Variants in SRRM3 observed in about 807,000 individuals in gnomAD.
The protein encoded by SRRM3 is serine/arginine repetitive matrix protein 3.
A neutral mutation model predicts 66.2 loss-of-function variants in SRRM3; 27 were observed. That is an observed-to-expected ratio of 0.41 (90% CI 0.30 to 0.56). The LOEUF (loss-of-function observed/expected upper bound fraction) is 0.56, where lower values mean the gene tolerates loss of function less well. Ranked by LOEUF, SRRM3 falls within the 20% of genes least tolerant of loss-of-function variation. SRRM3 has a pLI of 0.32. For missense variants in SRRM3, 918 were observed against 991.9 expected, an observed-to-expected ratio of 0.93 and a Z score of 1.00; for synonymous variants, 391 against 414.9, an observed-to-expected ratio of 0.94 and a Z score of 0.70.
chr7:76,262,203 GAGAAAGC>G (rs1801891349), intron 8 of SRRM3, among the ~76,000 whole-genome samples: 1 of 152,020 alleles, frequency 6.6e-6, no homozygotes, highest in African/African-American at 2.4e-5. Context: ...GAGGGTTGCT[GAGAAAGC>G]AGAAAACAGC....
In SRRM3 at chr7:76,235,144, C is replaced by G; in HGVS notation, c.78C>G (p.Ser26Arg). ...CCGCGAACGGCTTCCCGCAGCCCAG[C>G]TCCTCCTCGGGGACCTGGCCGCGGG... is the stretch of plus-strand genomic sequence containing the variant. ...PDAANGFPQP[S>R]SSSGTWPRAE... Residue 26 changes from serine (S) to arginine (R), a missense_variant, in exon 2 of 15, where the codon AGC (serine) becomes AGG (arginine). Ser to Arg is a moderately radical substitution (Grantham distance 110). Coordinates refer to ENST00000611745, the MANE Select transcript of SRRM3 (RefSeq NM_001110199.3). 1 of 1,565,298 alleles carries G rather than the reference C, an allele frequency of 6.4e-7. No homozygotes were observed. Among genetic ancestry groups the G allele is most frequent in the South Asian group, 1.2e-5 (1 of 86,006 alleles).
At chr7:76,282,419 G>C (rs187075800) in intron 12 of SRRM3, among the ~76,000 whole-genome samples, 1 of 94,972 alleles carries the variant, frequency 1.1e-5, no homozygotes, top group East Asian at 2.8e-4. Flanking sequence ...CCATCCCGCA[G>C]AACAATCTCC....
chr7:76,266,264 T>TAA (rs1563635066), intron 10 of SRRM3, among the ~76,000 whole-genome samples: 3 of 62,128 alleles, frequency 4.8e-5, no homozygotes, highest in African/African-American at 1.5e-4. Context: ...TTTAATATAT[T>TAA]TATATTTAAT....
chr7:76,258,771 A>G (rs1356880692), intron 3 of SRRM3, among the ~76,000 whole-genome samples: 1 of 149,818 alleles, frequency 6.7e-6, no homozygotes, highest in Non-Finnish European at 1.5e-5. Context: ...AAGAAATTAG[A>G]GTTCGCCGTG....
intron 1 of SRRM3, among the ~76,000 whole-genome samples, chr7:76,233,312 C>G (rs1563616658): frequency 6.6e-6 from 1 of 151,958 alleles, no homozygotes; most frequent in Admixed American, 6.6e-5. Flanking sequence ...GACCCTGTCT[C>G]AAAAAATGAA....
At chr7:76,270,406 T>C (rs1554610384) in intron 11 of SRRM3, among the ~76,000 whole-genome samples, 1 of 152,174 alleles carries the variant, frequency 6.6e-6, no homozygotes, top group East Asian at 1.9e-4. Context: ...CTGGGCACAG[T>C]GGCTCACACC....
intron 2 of SRRM3, among the ~76,000 whole-genome samples, chr7:76,242,375 C>T (rs1801327899): frequency 6.6e-6 from 1 of 151,932 alleles, no homozygotes; most frequent in African/African-American, 2.4e-5. Context: ...GTCCCAGCTG[C>T]TTGGGAGGCT....
chr7:76,214,202 C>G (rs1800502777), intron 1 of SRRM3, among the ~76,000 whole-genome samples: 1 of 152,064 alleles, frequency 6.6e-6, no homozygotes, highest in African/African-American at 2.4e-5. Flanking sequence ...GCTGGGTACC[C>G]TGATGGAGAT....
At chr7:76,251,750 C>T (rs1386540857) in intron 3 of SRRM3, among the ~76,000 whole-genome samples, 4 of 151,828 alleles carry the variant, frequency 2.6e-5, no homozygotes, top group African/African-American at 9.7e-5. Context: ...GGCAACAGAG[C>T]AAGACCCCCA....
At chr7:76,208,682 A>C (rs1800358850) in intron 1 of SRRM3, among the ~76,000 whole-genome samples, 1 of 151,812 alleles carries the variant, frequency 6.6e-6, no homozygotes, top group Non-Finnish European at 1.5e-5. Context: ...TAAAAATACA[A>C]AAATTAGCCA....
intron 2 of SRRM3, among the ~76,000 whole-genome samples, chr7:76,240,039 G>A (rs1376547969): frequency 1.3e-5 from 2 of 152,212 alleles, no homozygotes; most frequent in Middle Eastern, 3.4e-3. Context: ...GGTGGTGGAC[G>A]CCTGTAATTC....
rs1554612681 is a variant in SRRM3 at position 76,285,707 on chromosome 7, GCAGCCC to G, written c.1834_1839del (p.Ser612_Pro613del). On this transcript the variant is annotated inframe_deletion, in exon 15 of 15. Coordinates refer to ENST00000611745, the MANE Select transcript of SRRM3 (RefSeq NM_001110199.3). This position sits in a 1 kb window ranked among gnomAD's most constrained non-coding sequence, Gnocchi z 4.1. ...GACTACTCGACCCGGAGCCACAGCC[GCAGCCC>G]CAGCCCCGGCCACAGCCACGGGAGC... The G allele has an allele frequency of 6.4e-7, 1 of 1,550,828 alleles. No individual in the cohort carries two copies. Among genetic ancestry groups the G allele is most frequent in the Admixed American group, 2.0e-5 (1 of 51,002 alleles).
At chr7:76,262,213 A>T (rs1025261859) in intron 8 of SRRM3, among the ~76,000 whole-genome samples, 8 of 152,076 alleles carry the variant, frequency 5.3e-5, no homozygotes, top group African/African-American at 1.9e-4. Flanking sequence ...GAGAAAGCAG[A>T]AAACAGCCTG....
intron 1 of SRRM3, among the ~76,000 whole-genome samples, chr7:76,225,492 C>T (rs571478681): frequency 3.3e-5 from 5 of 151,164 alleles, no homozygotes; most frequent in East Asian, 3.9e-4. Flanking sequence ...CCCCTTTCCC[C>T]GGCAAAAGAG....
chr7:76,211,225 G>A (rs1800423457), intron 1 of SRRM3, among the ~76,000 whole-genome samples: 1 of 152,202 alleles, frequency 6.6e-6, no homozygotes, highest in African/African-American at 2.4e-5. Context: ...CTTTTGAGCC[G>A]GCCTCACAGA....
At chr7:76,210,700 C>T (rs1238083576) in intron 1 of SRRM3, among the ~76,000 whole-genome samples, 1 of 152,052 alleles carries the variant, frequency 6.6e-6, no homozygotes, top group Non-Finnish European at 1.5e-5. Context: ...GCACTATGAT[C>T]ACACCTGTAA....
chr7:76,263,837 C>T (rs1207744145), intron 8 of SRRM3, among the ~76,000 whole-genome samples: 3 of 132,504 alleles, frequency 2.3e-5, no homozygotes, highest in Non-Finnish European at 4.6e-5. Context: ...TGTGCCACTG[C>T]ACACCAGCCT....
At chr7:76,229,611 T>C (rs782716243) in intron 1 of SRRM3, among the ~76,000 whole-genome samples, 1 of 152,204 alleles carries the variant, frequency 6.6e-6, no homozygotes, top group East Asian at 1.9e-4. Context: ...CTGTGATCAT[T>C]GAAAATCCCT....
chr7:76,271,190 A>C (rs1802202626), intron 11 of SRRM3, among the ~76,000 whole-genome samples: 3 of 150,914 alleles, frequency 2.0e-5, no homozygotes, highest in Admixed American at 2.0e-4. Context: ...GACCCCAGGC[A>C]GGGCGCAGTG....
Sources: allele counts gnomAD v4.1 joint callset (sites outside exome capture counted in the v4.1 genomes callset), GRCh38; gene constraint gnomAD v4.1.1; non-coding constraint Gnocchi (gnomAD v3.1); transcripts MANE v1.5; gene names NCBI Gene and HGNC (gene_info 2026-07-23, HGNC 2026-07-21).